Variants in SPOCK3 observed in about 807,000 individuals in gnomAD.
The protein encoded by SPOCK3 is testican-3.
A neutral mutation model predicts 56.6 loss-of-function variants in SPOCK3; 30 were observed. That is an observed-to-expected ratio of 0.53 (90% CI 0.40 to 0.72). The LOEUF is 0.72. Ranked by LOEUF, SPOCK3 falls within the 30% of genes least tolerant of loss-of-function variation. SPOCK3 has a pLI of 0.00. For missense variants in SPOCK3, 527 were observed against 530.0 expected (o/e 0.99, Z 0.06); for synonymous variants, 196 against 183.3 (o/e 1.07, Z -0.56).
chr4:167,035,396 T>C (rs1752651103), intron 3 of SPOCK3, among the ~76,000 whole-genome samples: 1 of 151,708 alleles, frequency 6.6e-6, no homozygotes. Context: ...AAGCAGATAA[T>C]GTAATGTAAG....
rs1312950410 is a variant in SPOCK3, at chr4:167,109,360, ATT to A, written c.190-46825_190-46824del. ...ATATTATATAATAAAATAAATATAT[ATT>A]TATATATATATTTATATAAAATATA... On this transcript the variant is annotated intron_variant, in intron 2 of 10. Coordinates refer to ENST00000357545, the MANE Select transcript of SPOCK3 (RefSeq NM_001040159.2). 2.1e-4 allele frequency among the ~76,000 whole-genome samples: 8 copies of A among 38,972 alleles called. No individual in the cohort carries two copies. The South Asian group carries it at 2.5e-3, about 12-fold the overall frequency. 25.6% of individuals were successfully genotyped at this position (38,972 alleles called of 152,430 possible).
intron 3 of SPOCK3, among the ~76,000 whole-genome samples, chr4:167,001,098 G>A (rs115810411): frequency 0.012 from 1,892 of 152,112 alleles, 20 homozygotes; most frequent in Non-Finnish European, 0.019. Context: ...AAATGTCGAC[G>A]GTTTCATTTT....
At chr4:167,124,436 T>C (rs575418485) in intron 2 of SPOCK3, among the ~76,000 whole-genome samples, 1 of 152,194 alleles carries the variant, frequency 6.6e-6, no homozygotes, top group Non-Finnish European at 1.5e-5. Flanking sequence ...CAGGTTTTCA[T>C]GCAGTCAGAT....
chr4:167,131,759 A>G (rs1421030366), intron 2 of SPOCK3, among the ~76,000 whole-genome samples: 2 of 152,176 alleles, frequency 1.3e-5, no homozygotes, highest in Admixed American at 6.5e-5. Context: ...CACTATTTTC[A>G]TTTGAAAGCA....
chr4:166,864,571 A>G (rs12499819), intron 6 of SPOCK3, among the ~76,000 whole-genome samples: 20 of 152,166 alleles, frequency 1.3e-4, no homozygotes, highest in Admixed American at 1.3e-3. Context: ...GAAGAATCAA[A>G]TAGACACAAT....
intron 6 of SPOCK3, among the ~76,000 whole-genome samples, chr4:166,810,609 T>C (rs1560883101): frequency 6.6e-6 from 1 of 152,030 alleles, no homozygotes; most frequent in South Asian, 2.1e-4. Context: ...CAAAACTGAT[T>C]TTTTAATATT....
At chr4:166,952,621 G>A (rs186480116) in intron 4 of SPOCK3, among the ~76,000 whole-genome samples, 88 of 152,228 alleles carry the variant, frequency 5.8e-4, no homozygotes, top group African/African-American at 1.8e-3. Context: ...AGCCCGCATC[G>A]TCAAGGCAAT....
chr4:167,005,590 TA>T (rs5863855), intron 3 of SPOCK3, among the ~76,000 whole-genome samples: 74,269 of 149,198 alleles, frequency 0.5, 20,243 homozygotes, highest in East Asian at 0.81. Context: ...CAGAAACCAT[TA>T]AAAAAAAAAC....
At chr4:166,947,120 T>A (rs72971679) in intron 4 of SPOCK3, among the ~76,000 whole-genome samples, 12,425 of 152,136 alleles carry the variant, frequency 0.082, 615 homozygotes, top group African/African-American at 0.14. Flanking sequence ...TTTTACCATA[T>A]AAAATTAACT....
intron 2 of SPOCK3, among the ~76,000 whole-genome samples, chr4:167,113,711 A>C (rs1761102696): frequency 6.6e-6 from 1 of 152,054 alleles, no homozygotes; most frequent in South Asian, 2.1e-4. Flanking sequence ...CGGTACAAGA[A>C]AGAAGCAGGA....
chr4:167,203,689 A>G (rs552707119), intron 2 of SPOCK3, among the ~76,000 whole-genome samples: 8 of 152,230 alleles, frequency 5.3e-5, no homozygotes, highest in Admixed American at 4.6e-4. Context: ...AAAAACTATG[A>G]ATGACAATCT....
chr4:166,969,828 T>C (rs1269429744), intron 4 of SPOCK3, among the ~76,000 whole-genome samples: 1 of 152,182 alleles, frequency 6.6e-6, no homozygotes, highest in Non-Finnish European at 1.5e-5. Context: ...TTTTAGGTAA[T>C]TCAACAATTG....
At chr4:166,932,873 A>T (rs1423581039) in intron 4 of SPOCK3, among the ~76,000 whole-genome samples, 1 of 152,122 alleles carries the variant, frequency 6.6e-6, no homozygotes, top group Non-Finnish European at 1.5e-5. Context: ...TATCTAATTG[A>T]TAGGGGAAAG....
At chr4:167,002,707 G>GT (rs1749062393) in intron 3 of SPOCK3, among the ~76,000 whole-genome samples, 1 of 151,784 alleles carries the variant, frequency 6.6e-6, no homozygotes, top group African/African-American at 2.4e-5. Flanking sequence ...TCATCATTAG[G>GT]TAAAAAAAAG....
intron 6 of SPOCK3, among the ~76,000 whole-genome samples, chr4:166,840,721 A>C (rs945055838): frequency 9.9e-5 from 15 of 151,666 alleles, no homozygotes; most frequent in African/African-American, 3.4e-4. Context: ...GTTGCACTTA[A>C]GAGAAGGAAT....
At chr4:166,906,923 T>C (rs1736685060) in intron 5 of SPOCK3, among the ~76,000 whole-genome samples, 1 of 152,064 alleles carries the variant, frequency 6.6e-6, no homozygotes. Context: ...ACTGGTCAAA[T>C]GACTTAAATT....
At position 166,982,428 on chromosome 4, in the gene SPOCK3, C is replaced by T. The variant is rs563326441; in HGVS notation, c.350+17921G>A. Among the ~76,000 whole-genome samples, 14 of 152,112 alleles carry T rather than the reference C, an allele frequency of 9.2e-5. 1 individual carries two copies. Among genetic ancestry groups the T allele is most frequent in the African/African-American group, 2.2e-4 (9 of 41,498 alleles). Reference sequence around the variant, plus strand: ...CTCCTATAGACGTGGTGGTAGGCGCCGTAGTCCCAGCTACTTGGGAGGCTG... The same window carrying T: ...CTCCTATAGACGTGGTGGTAGGCGCTGTAGTCCCAGCTACTTGGGAGGCTG... On this transcript the variant is annotated intron_variant, in intron 4 of 10. Transcript: ENST00000357545.
intron 6 of SPOCK3, among the ~76,000 whole-genome samples, chr4:166,796,432 A>T (rs1741947988): frequency 6.6e-6 from 1 of 152,126 alleles, no homozygotes. Context: ...CTTTCAGAAA[A>T]TTTTTAAGTT....
rs763660953 is a variant in SPOCK3 at position 167,112,847 on chromosome 4, T to TA, written c.190-50311_190-50310insT. ...GGACTCTGTTCAAAAGTGCTCTTTT[T>TA]TAAAAAAAAAAATCATATATATTAG... On this transcript the variant is annotated intron_variant, in intron 2 of 10. Transcript: ENST00000357545. Among the ~76,000 whole-genome samples the TA allele has an allele frequency of 1.1e-3, 150 of 139,996 alleles. 1 individual carries two copies. The highest frequency in any genetic ancestry group is 3.8e-3 in the Middle Eastern group (1 of 266). The allele number at this position is 139,996 out of a possible 152,430, so 91.8% of individuals were successfully genotyped here.
Sources: allele counts gnomAD v4.1 joint callset (sites outside exome capture counted in the v4.1 genomes callset), GRCh38; gene constraint gnomAD v4.1.1; transcripts MANE v1.5; gene names NCBI Gene and HGNC (gene_info 2026-07-23, HGNC 2026-07-21).